The following SDK1 variants were observed in gnomAD, a reference collection of about 807,000 sequenced individuals.
SDK1 encodes sidekick cell adhesion molecule 1.
Under a neutral mutation model 245.5 loss-of-function variants are expected in SDK1, and 157 were observed. The ratio of observed to expected loss-of-function variants is 0.64; its 90% CI spans 0.56 to 0.73. SDK1 has a LOEUF of 0.73. Among genes scored for constraint, SDK1 ranks in the 30% least tolerant of loss-of-function variants. The probability of loss-of-function intolerance (pLI) is 0.00; values close to 1 mark genes in which losing one functional copy is unlikely to be tolerated. For missense variants in SDK1, 3,583 were observed against 3,002.3 expected, an observed-to-expected ratio of 1.19 and a Z score of -4.52; for synonymous variants, 1,647 against 1,278.5, an observed-to-expected ratio of 1.29 and a Z score of -6.15.
chr7:3,318,780 T>A (rs1300681000), intron 1 of SDK1, among the ~76,000 whole-genome samples: 1 of 152,204 alleles, frequency 6.6e-6, no homozygotes, highest in Non-Finnish European at 1.5e-5. Flanking sequence ...TTGGTTTTAG[T>A]ACTAGAAAAA....
chr7:3,745,784 A>G (rs977917959), intron 4 of SDK1, among the ~76,000 whole-genome samples: 5 of 152,258 alleles, frequency 3.3e-5, no homozygotes, highest in African/African-American at 9.6e-5. Flanking sequence ...CTATTGGCAA[A>G]GAAAAGTGAG....
chr7:3,966,529 A>T (rs1044173770), intron 9 of SDK1, among the ~76,000 whole-genome samples: 20 of 152,132 alleles, frequency 1.3e-4, no homozygotes, highest in African/African-American at 4.8e-4. Flanking sequence ...CATGAACAAG[A>T]AGAAACCCAG....
At chr7:3,742,662 T>C (rs1562410243) in intron 4 of SDK1, among the ~76,000 whole-genome samples, 2 of 152,232 alleles carry the variant, frequency 1.3e-5, no homozygotes, top group Admixed American at 6.5e-5. Context: ...TATGAAGTCC[T>C]CCTCCCACCC....
rs553185410 is a variant in SDK1, at chr7:4,020,302, T to C, written c.2602+2950T>C. Among the ~76,000 whole-genome samples, 3 of 152,298 alleles carry C rather than the reference T, an allele frequency of 2.0e-5. No individual in the cohort carries two copies. The East Asian group carries it at 5.8e-4, about 29-fold the overall frequency. On this transcript the variant is annotated intron_variant, in intron 17 of 44. Coordinates refer to ENST00000404826, the MANE Select transcript of SDK1 (RefSeq NM_152744.4). The stretch of plus-strand genomic sequence containing the variant: ...CCATGGCCTGGGGGACATGGCTGGC[T>C]TGGCTGGCTGCACAGCCTTGATGCC...
chr7:3,489,179 T>TG (rs1260946205), intron 1 of SDK1, among the ~76,000 whole-genome samples: 1 of 151,782 alleles, frequency 6.6e-6, no homozygotes, highest in Non-Finnish European at 1.5e-5. Context: ...AGGCTAGGGG[T>TG]GGGTGCAGGC....
At chr7:3,713,058 G>C (rs7795719) in intron 4 of SDK1, among the ~76,000 whole-genome samples, 13,073 of 152,280 alleles carry the variant, frequency 0.086, 645 homozygotes, top group Middle Eastern at 0.14. Context: ...GGGCATGGCA[G>C]GGTGCCAGGA....
At chr7:3,675,648 A>C (rs1783869158) in intron 4 of SDK1, among the ~76,000 whole-genome samples, 1 of 152,062 alleles carries the variant, frequency 6.6e-6, no homozygotes, top group Non-Finnish European at 1.5e-5. Context: ...GTCATAGCTC[A>C]CTGCGGCCTG....
chr7:3,479,344 C>T (rs960759091), intron 1 of SDK1, among the ~76,000 whole-genome samples: 2 of 147,294 alleles, frequency 1.4e-5, no homozygotes, highest in Admixed American at 1.4e-4. Context: ...ATCGATTGAA[C>T]CCGGGAGGTA....
At chr7:3,451,211 G>A (rs572663987) in intron 1 of SDK1, among the ~76,000 whole-genome samples, 2 of 152,014 alleles carry the variant, frequency 1.3e-5, no homozygotes, top group South Asian at 4.1e-4. Flanking sequence ...GGGGGAGAGG[G>A]TGAAAATATA....
chr7:4,074,878 C>CTG (rs1562770399), intron 20 of SDK1, among the ~76,000 whole-genome samples: 1 of 91,474 alleles, frequency 1.1e-5, no homozygotes, highest in Admixed American at 1.0e-4. Flanking sequence ...CTCTCTCTCT[C>CTG]TCTCTCTGTA....
At chr7:3,858,597 C>G (rs1038941332) in intron 5 of SDK1, among the ~76,000 whole-genome samples, 1 of 151,972 alleles carries the variant, frequency 6.6e-6, no homozygotes. Context: ...GTGTATAAGA[C>G]CCAGGGTTTT....
At chr7:4,130,342 G>A in intron 27 of SDK1, 2 of 533,154 alleles carry the variant, frequency 3.8e-6, no homozygotes, top group East Asian at 6.8e-5. Context: ...TCTGCCGTGG[G>A]CAGTGCTGGG....
intron 22 of SDK1, among the ~76,000 whole-genome samples, chr7:4,089,306 C>G (rs146326920): frequency 6.6e-6 from 1 of 152,226 alleles, no homozygotes; most frequent in Admixed American, 6.5e-5. Flanking sequence ...TGGAGGCGCC[C>G]AGACCCCGAC....
chr7:3,692,473 A>T (rs763393745), intron 4 of SDK1, among the ~76,000 whole-genome samples: 1 of 152,148 alleles, frequency 6.6e-6, no homozygotes, highest in African/African-American at 2.4e-5. Flanking sequence ...CTTATATTAC[A>T]TATTTTTCAA....
At chr7:3,805,036 A>G (rs1779206958) in intron 4 of SDK1, among the ~76,000 whole-genome samples, 1 of 152,204 alleles carries the variant, frequency 6.6e-6, no homozygotes, top group Admixed American at 6.5e-5. Context: ...TTCTTACCAC[A>G]AAAAGAAAAA....
At chr7:3,676,843 C>G (rs781596641) in intron 4 of SDK1, among the ~76,000 whole-genome samples, 162 of 152,210 alleles carry the variant, frequency 1.1e-3, no homozygotes, top group Middle Eastern at 6.8e-3. Flanking sequence ...GGCTTTATTT[C>G]TGGGTTCTGC....
intron 4 of SDK1, among the ~76,000 whole-genome samples, chr7:3,771,853 C>G (rs1429767303): frequency 6.6e-6 from 1 of 152,174 alleles, no homozygotes; most frequent in East Asian, 1.9e-4. Flanking sequence ...CCCCATCCAT[C>G]TCCAGAACTC....
At chr7:3,608,863 T>A (rs1270787275) in intron 1 of SDK1, among the ~76,000 whole-genome samples, 1 of 152,228 alleles carries the variant, frequency 6.6e-6, no homozygotes, top group Non-Finnish European at 1.5e-5. Flanking sequence ...TATTCACAGC[T>A]GTTTGAAAAG....
At chr7:3,696,760 C>T (rs2115001997) in intron 4 of SDK1, among the ~76,000 whole-genome samples, 1 of 152,118 alleles carries the variant, frequency 6.6e-6, no homozygotes, top group African/African-American at 2.4e-5. Flanking sequence ...TGAGTTGTGT[C>T]AGTTCTTATA....
Sources: allele counts gnomAD v4.1 joint callset (sites outside exome capture counted in the v4.1 genomes callset), GRCh38; gene constraint gnomAD v4.1.1; transcripts MANE v1.5; gene names NCBI Gene and HGNC (gene_info 2026-07-23, HGNC 2026-07-21).